Variants in MRPL19 observed in about 807,000 individuals in gnomAD.
MRPL19 encodes large ribosomal subunit protein bL19m.
In MRPL19, 31 loss-of-function variants were observed where a neutral mutation model predicts 34.0. That is an observed-to-expected ratio of 0.91 (90% CI 0.68 to 1.23). The LOEUF (loss-of-function observed/expected upper bound fraction) is 1.23, where lower values mean the gene tolerates loss of function less well. MRPL19 is among the 50% of genes most tolerant of loss of function. The pLI, the probability that MRPL19 is intolerant of heterozygous loss-of-function variation, is 0.00. For synonymous variants in MRPL19, 152 were observed against 127.7 expected (o/e 1.19, Z -1.28); for missense variants, 384 against 367.6 (o/e 1.04, Z -0.37).
Position 75,647,091 on chromosome 2 carries a change from C to A in MRPL19, c.104-11C>A. ...CACGAGAGTTCTGACCTCCGTCGTC[C>A]GCTCCCGCAGGGGTCCACGCGGGGC... On this transcript the variant is annotated splice_polypyrimidine_tract_variant and intron_variant, in intron 1 of 5. Transcript: ENST00000393909. The A allele has an allele frequency of 6.4e-7, 1 of 1,574,158 alleles. No homozygotes were observed. The highest frequency in any genetic ancestry group is 8.6e-7 in the Non-Finnish European group (1 of 1,158,246).
rs1372320287 is a variant in MRPL19 at position 75,655,400 on chromosome 2, A to G, written c.*115A>G. The G allele has an allele frequency of 1.4e-6, 1 of 730,960 alleles. No individual in the cohort carries two copies. The allele number at this position is 730,960 out of a possible 1,614,324, so 45.3% of individuals were successfully genotyped here. ...TAGTAATTAAGTGAACTAAGCATTC[A>G]TTGTTTTATTAATACTTTTTTTCTA... On this transcript the variant is annotated 3_prime_UTR_variant, in exon 6 of 6. Coordinates refer to ENST00000393909, the MANE Select transcript of MRPL19 (RefSeq NM_014763.4).
At chr2:75,652,475 C>T (rs1265484698) in intron 3 of MRPL19, 48 bp from the exon 4 acceptor site, 1 of 1,592,696 alleles carries the variant, frequency 6.3e-7, no homozygotes, top group Non-Finnish European at 8.5e-7. Flanking sequence ...GTTTACTTCT[C>T]AGCTGGGTGT....
chr2:75,652,131 A>G lies in MRPL19; in HGVS notation c.222-11A>G, dbSNP rs1424183830. On this transcript the variant is annotated splice_polypyrimidine_tract_variant and intron_variant, in intron 2 of 5. Transcript: ENST00000393909. ...AGTTTACTTTTAATTATTTATTTGT[A>G]TTTTTTACAGGTTCTTGAGTCCTGA... 6.1e-6 allele frequency: 9 copies of G among 1,476,658 alleles called. No individual in the cohort carries two copies. The Admixed American group carries it at 1.3e-4, about 22-fold the overall frequency. The allele number at this position is 1,476,658 out of a possible 1,614,324, so 91.5% of individuals were successfully genotyped here.
rs966255298 is a variant in MRPL19 at position 75,659,991 on chromosome 2, A to C, written c.*4706A>C. ...TTTCTTTTCCTTCTGAAATATTCTT[A>C]ATGTATATGTTGGTCTGTTTGATGC... is the stretch of plus-strand genomic sequence containing the variant. On this transcript the variant is annotated 3_prime_UTR_variant, in exon 6 of 6. Transcript: ENST00000393909. 1.3e-5 allele frequency among the ~76,000 whole-genome samples: 2 copies of C among 151,630 alleles called. No homozygotes were observed. The highest frequency in any genetic ancestry group is 4.8e-5 in the African/African-American group (2 of 41,270).
Position 75,647,296 on chromosome 2 carries a change from C to G in MRPL19, c.221+77C>G, listed in dbSNP as rs955579384. On this transcript the variant is annotated intron_variant, in intron 2 of 5. Transcript: ENST00000393909. Reference sequence around the variant, plus strand: ...AGCGCGTTCGCGTTCGAGGTCCCGGCTCTAAGGTGGGGGCTGCACCTCCCC... The same window carrying G: ...AGCGCGTTCGCGTTCGAGGTCCCGGGTCTAAGGTGGGGGCTGCACCTCCCC... 2.5e-5 allele frequency: 35 copies of G among 1,393,124 alleles called. No homozygotes were observed. In the Admixed American group the frequency reaches 4.0e-4, roughly 16 times the overall value. The allele number at this position is 1,393,124 out of a possible 1,614,324, so 86.3% of individuals were successfully genotyped here.
rs368836903 is a variant in MRPL19, at chr2:75,652,652, G to C, written c.470G>C (p.Gly157Ala). The C allele has an allele frequency of 3.2e-5, 51 of 1,611,238 alleles. No individual in the cohort carries two copies. Among genetic ancestry groups the C allele is most frequent in the Non-Finnish European group, 4.2e-5 (49 of 1,179,064 alleles). Residue 157 changes from glycine to alanine, a missense_variant, in exon 4 of 6, where the codon GGA becomes GCA. Transcript: ENST00000393909. ...ATFILRNVIE[G>A]QGVEICFELY... ...TTCATCCTTAGGAATGTTATCGAAG[G>C]ACAAGGTAAGTTTTATTTCATCATT...
At chr2:75,654,479 C>G (rs1678394555) in intron 4 of MRPL19, among the ~76,000 whole-genome samples, 1 of 152,160 alleles carries the variant, frequency 6.6e-6, no homozygotes. Context: ...ATATGTGACT[C>G]AACATATTTC....
At position 75,654,749 on chromosome 2, in the gene MRPL19, CT is replaced by C. The variant is rs771740998; in HGVS notation, c.492del (p.Phe164LeufsTer16). Reference sequence around the variant, plus strand: ...TGTTCTATTTAGGTGTCGAGATTTGCTTTGAACTTTATAATCCTCGGGTCCA... The same window carrying C: ...TGTTCTATTTAGGTGTCGAGATTTGCTTGAACTTTATAATCCTCGGGTCCA... ...VIEGQGVEIC[F>X]ELYNPRVQEI... On this transcript the variant is annotated frameshift_variant, in exon 5 of 6. Transcript: ENST00000393909. LOFTEE classifies it high-confidence loss of function. 2.4e-4 allele frequency: 389 copies of C among 1,613,456 alleles called. No individual in the cohort carries two copies. Among genetic ancestry groups the C allele is most frequent in the Non-Finnish European group, 2.9e-4 (344 of 1,179,720 alleles).
intron 1 of MRPL19, 80 bp downstream of exon 1, chr2:75,646,990 G>C (rs1033267001): frequency 4.7e-6 from 7 of 1,484,084 alleles, no homozygotes; most frequent in Non-Finnish European, 6.3e-6. Flanking sequence ...GGAGATCAGA[G>C]GCAACCCCAG....
In MRPL19 at chr2:75,656,177, C is replaced by T. The variant is rs1678448261; in HGVS notation, c.*892C>T. On this transcript the variant is annotated 3_prime_UTR_variant, in exon 6 of 6. Coordinates refer to ENST00000393909, the MANE Select transcript of MRPL19 (RefSeq NM_014763.4). Reference sequence around the variant, plus strand: ...CAGCATGATGAATCAAACTCTGTATCTTAGGATTAGGTTAAAACAATACCT... The same window carrying T: ...CAGCATGATGAATCAAACTCTGTATTTTAGGATTAGGTTAAAACAATACCT... 2 of 152,130 alleles carry T rather than the reference C, an allele frequency of 1.3e-5. No homozygotes were observed. Among genetic ancestry groups the T allele is most frequent in the East Asian group, 3.8e-4 (2 of 5,202 alleles). 9.4% of individuals were successfully genotyped at this position (152,130 alleles called of 1,614,324 possible).
In MRPL19 at chr2:75,659,849, G is replaced by A. The variant is rs750086901; in HGVS notation, c.*4564G>A. Among the ~76,000 whole-genome samples, 1 of 152,018 alleles carries A rather than the reference G, an allele frequency of 6.6e-6. No homozygotes were observed. The highest frequency in any genetic ancestry group is 2.4e-5 in the African/African-American group (1 of 41,408). On this transcript the variant is annotated 3_prime_UTR_variant, in exon 6 of 6. Transcript: ENST00000393909. ...TTTGATTATAACGCGGCTCAGTGTG[G>A]GTCTCTGAGTTTATCCCACTTAGAG...
intron 2 of MRPL19, among the ~76,000 whole-genome samples, chr2:75,649,460 G>A (rs1036802211): frequency 1.3e-5 from 2 of 151,756 alleles, no homozygotes; most frequent in African/African-American, 4.8e-5. Flanking sequence ...TCTTTTATGT[G>A]TGGCTCAAGA....
chr2:75,660,550 C>T lies in MRPL19; in HGVS notation c.*5265C>T, dbSNP rs1678587620. On this transcript the variant is annotated 3_prime_UTR_variant, in exon 6 of 6. Coordinates refer to ENST00000393909, the MANE Select transcript of MRPL19 (RefSeq NM_014763.4). ...TTGTAGCAGTCTATTGCTACATGTGCAGTCATTTCCAAACTATTTTTGCAA... is the reference window on the plus strand; with the variant it reads ...TTGTAGCAGTCTATTGCTACATGTGTAGTCATTTCCAAACTATTTTTGCAA... 6.6e-6 allele frequency: 1 copy of T among 152,160 alleles called. No homozygotes were observed. Among genetic ancestry groups the T allele is most frequent in the Non-Finnish European group, 1.5e-5 (1 of 68,028 alleles). 9.4% of individuals were successfully genotyped at this position (152,160 alleles called of 1,614,324 possible).
rs1209293414 is a variant in MRPL19, at chr2:75,660,268, C to T, written c.*4983C>T. Among the ~76,000 whole-genome samples, 1 of 151,998 alleles carries T rather than the reference C, an allele frequency of 6.6e-6. No individual in the cohort carries two copies. Among genetic ancestry groups the T allele is most frequent in the African/African-American group, 2.4e-5 (1 of 41,392 alleles). Reference sequence around the variant, plus strand: ...CATATGTCTCTTTCTTCCTTTAGTTCTTTGTCCATGTTTTCCTTTAGCTCT... The same window carrying T: ...CATATGTCTCTTTCTTCCTTTAGTTTTTTGTCCATGTTTTCCTTTAGCTCT... On this transcript the variant is annotated 3_prime_UTR_variant, in exon 6 of 6. Coordinates refer to ENST00000393909, the MANE Select transcript of MRPL19 (RefSeq NM_014763.4).
chr2:75,651,420 C>G, intron 2 of MRPL19: 1 of 537,516 alleles, frequency 1.9e-6, no homozygotes, highest in Middle Eastern at 3.7e-4. Context: ...ACTTGGAGAC[C>G]TAGCTGTCCT....
Position 75,660,420 on chromosome 2 carries a change from CT to C in MRPL19, c.*5140del, listed in dbSNP as rs886291025. The C allele has an allele frequency of 6.6e-6, 1 of 152,074 alleles. No homozygotes were observed. The highest frequency in any genetic ancestry group is 2.4e-5 in the African/African-American group (1 of 41,390). 9.4% of individuals were successfully genotyped at this position (152,074 alleles called of 1,614,324 possible). A position where few individuals can be genotyped will look rare whatever the true frequency, so the allele number is the denominator to read the frequency against. ...ACTTTCCTGTGTCTTTGTATGCTGT[CT>C]TTTTGTTGTTGAAAACTGTATGTTT... On this transcript the variant is annotated 3_prime_UTR_variant, in exon 6 of 6. Transcript: ENST00000393909.
chr2:75,658,334 A>C lies in MRPL19; in HGVS notation c.*3049A>C, dbSNP rs1286779475. Among the ~76,000 whole-genome samples, 1 of 152,150 alleles carries C rather than the reference A, an allele frequency of 6.6e-6. No homozygotes were observed. Among genetic ancestry groups the C allele is most frequent in the African/African-American group, 2.4e-5 (1 of 41,440 alleles). Reference sequence around the variant, plus strand: ...ATTCATCCATGTTGTGGCATGTGTCAGAATTTCATTTGTTTTTATGACTAA... The same window carrying C: ...ATTCATCCATGTTGTGGCATGTGTCCGAATTTCATTTGTTTTTATGACTAA... On this transcript the variant is annotated 3_prime_UTR_variant, in exon 6 of 6. Coordinates refer to ENST00000393909, the MANE Select transcript of MRPL19 (RefSeq NM_014763.4).
chr2:75,648,316 C>T (rs373953182), intron 2 of MRPL19, among the ~76,000 whole-genome samples: 1 of 152,040 alleles, frequency 6.6e-6, no homozygotes, highest in South Asian at 2.1e-4. Context: ...AACTTAAACT[C>T]CTAACGTGTA....
chr2:75,653,925 T>A (rs1230506720), intron 4 of MRPL19, among the ~76,000 whole-genome samples: 2 of 152,170 alleles, frequency 1.3e-5, no homozygotes, highest in African/African-American at 4.8e-5. Flanking sequence ...TATATCACAA[T>A]TTTGCCTGTT....
Sources: gnomAD v4.1 joint callset for allele counts (sites outside exome capture counted in the v4.1 genomes callset) on GRCh38, gnomAD v4.1.1 for gene constraint, MANE v1.5 for transcripts, NCBI Gene and HGNC (gene_info 2026-07-23, HGNC 2026-07-21) for gene names.